Variants in DTNB observed in about 807,000 individuals in gnomAD.
The protein encoded by DTNB is dystrobrevin beta.
A neutral mutation model predicts 90.7 loss-of-function variants in DTNB; 63 were observed. The observed-to-expected ratio is 0.69, with a 90% CI of 0.57 to 0.86. The LOEUF is 0.86. Among genes scored for constraint, DTNB ranks in the 40% least tolerant of loss-of-function variants. The pLI is 0.00. For missense variants in DTNB, 744 were observed against 807.1 expected, an observed-to-expected ratio of 0.92 and a Z score of 0.95; for synonymous variants, 277 against 286.7, an observed-to-expected ratio of 0.97 and a Z score of 0.34.
At chr2:25,601,160 G>C (rs1197751523) in intron 5 of DTNB, among the ~76,000 whole-genome samples, 1 of 151,790 alleles carries the variant, frequency 6.6e-6, no homozygotes, top group Non-Finnish European at 1.5e-5. Flanking sequence ...ACATATAAAA[G>C]GATCTTATCA....
At chr2:25,462,496 A>G (rs1305833637) in intron 10 of DTNB, among the ~76,000 whole-genome samples, 4 of 152,226 alleles carry the variant, frequency 2.6e-5, no homozygotes, top group African/African-American at 4.8e-5. Context: ...CAGTTGGACA[A>G]TAACTTCTCT....
intron 1 of DTNB, among the ~76,000 whole-genome samples, chr2:25,669,689 G>A (rs914717795): frequency 1.3e-5 from 2 of 152,190 alleles, no homozygotes; most frequent in African/African-American, 2.4e-5. Flanking sequence ...GCGCTGTGAT[G>A]TAAGTCCACA....
chr2:25,380,424 T>C (rs980531978), intron 19 of DTNB, among the ~76,000 whole-genome samples: 2 of 152,206 alleles, frequency 1.3e-5, no homozygotes, highest in African/African-American at 4.8e-5. Context: ...GGACATATCC[T>C]AGAACCTATA....
chr2:25,619,007 T>A (rs1024391987), intron 4 of DTNB, among the ~76,000 whole-genome samples: 1 of 152,214 alleles, frequency 6.6e-6, no homozygotes, highest in African/African-American at 2.4e-5. Flanking sequence ...AGTCCCCACC[T>A]GTTCCCTGTG....
intron 18 of DTNB, among the ~76,000 whole-genome samples, chr2:25,384,386 G>A (rs911163631): frequency 4.6e-5 from 7 of 152,186 alleles, no homozygotes; most frequent in African/African-American, 1.7e-4. Flanking sequence ...AAGTGCTAAT[G>A]CCGTCTAAGG....
intron 16 of DTNB, among the ~76,000 whole-genome samples, chr2:25,404,930 ATT>A (rs901379539): frequency 2.0e-5 from 3 of 151,812 alleles, no homozygotes; most frequent in Non-Finnish European, 2.9e-5. Flanking sequence ...CACCATTATT[ATT>A]TTTTTTGTTT....
intron 6 of DTNB, among the ~76,000 whole-genome samples, chr2:25,581,899 G>A (rs776463448): frequency 5.3e-5 from 8 of 152,202 alleles, no homozygotes; most frequent in Admixed American, 1.3e-4. Context: ...GTGCATGGCC[G>A]TCGGCTGCCT....
At chr2:25,379,177 A>T in intron 20 of DTNB, 113 bp downstream of exon 20, 1 of 1,066,316 alleles carries the variant, frequency 9.4e-7, no homozygotes. Flanking sequence ...TTGCATCTTC[A>T]CCTGTTAGGA....
chr2:25,392,591 A>G (rs2041435561), intron 16 of DTNB, among the ~76,000 whole-genome samples: 2 of 152,226 alleles, frequency 1.3e-5, no homozygotes, highest in Admixed American at 6.5e-5. Flanking sequence ...CAGAAATACA[A>G]AAGATTTAAA....
chr2:25,553,452 G>A (rs1260460996), intron 8 of DTNB, among the ~76,000 whole-genome samples: 8 of 152,054 alleles, frequency 5.3e-5, no homozygotes. Context: ...ATACGGCTAG[G>A]TAGGGCTGGG....
chr2:25,387,142 C>T lies in DTNB; in HGVS notation c.1825+147G>A. 3.0e-6 allele frequency: 2 copies of T among 670,816 alleles called. No individual in the cohort carries two copies. Among genetic ancestry groups the T allele is most frequent in the South Asian group, 1.9e-5 (1 of 52,378 alleles). 41.6% of individuals were successfully genotyped at this position (670,816 alleles called of 1,614,324 possible). ...CAGAGGCTCTCTGGGTGGAGACATC[C>T]AGTGTGTTCCTAGAAGGCAAAGTTA... On this transcript the variant is annotated intron_variant, in intron 18 of 20. Coordinates refer to ENST00000406818, the MANE Select transcript of DTNB (RefSeq NM_021907.5). This position sits in a 1 kb window ranked among gnomAD's most constrained non-coding sequence, Gnocchi z 4.5.
chr2:25,529,186 A>T (rs951643553), intron 9 of DTNB, among the ~76,000 whole-genome samples: 2 of 152,186 alleles, frequency 1.3e-5, no homozygotes, highest in African/African-American at 4.8e-5. Flanking sequence ...GAATAAAGAA[A>T]CCAGAAGCCA....
At chr2:25,645,371 G>GA (rs1017386878) in intron 2 of DTNB, among the ~76,000 whole-genome samples, 5 of 141,396 alleles carry the variant, frequency 3.5e-5, no homozygotes, top group Non-Finnish European at 3.1e-5. Flanking sequence ...AAAAAAAAAA[G>GA]AAAAAAAAAG....
intron 10 of DTNB, among the ~76,000 whole-genome samples, chr2:25,458,815 T>C (rs187364163): frequency 6.9e-4 from 105 of 152,226 alleles, no homozygotes; most frequent in Non-Finnish European, 1.3e-3. Context: ...TGGCCAACTT[T>C]TTTGTATTTT....
chr2:25,387,131 G>C lies in DTNB; in HGVS notation c.1825+158C>G, dbSNP rs758515702. The C allele has an allele frequency of 1.6e-6, 1 of 622,682 alleles. No homozygotes were observed. Among genetic ancestry groups the C allele is most frequent in the Non-Finnish European group, 2.8e-6 (1 of 358,880 alleles). The allele number at this position is 622,682 out of a possible 1,614,324, so 38.6% of individuals were successfully genotyped here. On this transcript the variant is annotated intron_variant, in intron 18 of 20. Coordinates refer to ENST00000406818, the MANE Select transcript of DTNB (RefSeq NM_021907.5). The surrounding 1 kb of genome is among the most constrained non-coding windows in gnomAD (Gnocchi z 4.5). Reference sequence around the variant, plus strand: ...ATCCTGTGTGACAGAGGCTCTCTGGGTGGAGACATCCAGTGTGTTCCTAGA... The same window carrying C: ...ATCCTGTGTGACAGAGGCTCTCTGGCTGGAGACATCCAGTGTGTTCCTAGA...
At chr2:25,603,450 T>C (rs1573255066) in intron 5 of DTNB, among the ~76,000 whole-genome samples, 1 of 152,176 alleles carries the variant, frequency 6.6e-6, no homozygotes, top group Admixed American at 6.5e-5. Context: ...CAATGAACCA[T>C]CTCTGTAAAT....
chr2:25,661,009 T>G (rs2083075171), intron 1 of DTNB, among the ~76,000 whole-genome samples: 2 of 152,232 alleles, frequency 1.3e-5, no homozygotes, highest in Non-Finnish European at 2.9e-5. Flanking sequence ...TATGATATCA[T>G]CTCATTGTGG....
At chr2:25,433,859 G>C (rs1396163106) in intron 13 of DTNB, 51 bp downstream of exon 13, 1 of 1,588,000 alleles carries the variant, frequency 6.3e-7, no homozygotes, top group East Asian at 2.2e-5. Flanking sequence ...AATCAGATAC[G>C]CACGTGATAA....
intron 12 of DTNB, among the ~76,000 whole-genome samples, chr2:25,450,404 A>G (rs2059103018): frequency 6.6e-6 from 1 of 152,026 alleles, no homozygotes; most frequent in Non-Finnish European, 1.5e-5. Context: ...CCTTTGATTT[A>G]TTTGTTCATC....
Sources: allele counts gnomAD v4.1 joint callset (sites outside exome capture counted in the v4.1 genomes callset), GRCh38; gene constraint gnomAD v4.1.1; non-coding constraint Gnocchi (gnomAD v3.1); transcripts MANE v1.5; gene names NCBI Gene and HGNC (gene_info 2026-07-23, HGNC 2026-07-21).